Variants in CCDC172 observed in about 807,000 individuals in gnomAD.
CCDC172 encodes the protein coiled-coil domain containing 172.
Under a neutral mutation model 38.0 loss-of-function variants are expected in CCDC172, and 30 were observed. The ratio of observed to expected loss-of-function variants is 0.79; its 90% confidence interval spans 0.59 to 1.07. CCDC172 has a LOEUF of 1.07. Among genes scored for constraint, CCDC172 ranks in the 50% least tolerant of loss-of-function variants. The probability of loss-of-function intolerance (pLI) is 0.00; values close to 1 mark genes in which losing one functional copy is unlikely to be tolerated. For synonymous variants in CCDC172, 78 were observed against 88.3 expected (o/e 0.88, Z 0.66); for missense variants, 297 against 290.1 (o/e 1.02, Z -0.17).
chr10:116,376,789 T>C (rs1223258061), intron 7 of CCDC172, among the ~76,000 whole-genome samples: 1 of 152,144 alleles, frequency 6.6e-6, no homozygotes, highest in African/African-American at 2.4e-5. Flanking sequence ...ACAGGAAGAA[T>C]TCTCTACCCT....
At position 116,343,746 on chromosome 10, in the gene CCDC172, A is replaced by G. The variant is rs1266725028; in HGVS notation, c.448+1545A>G. Among the ~76,000 whole-genome samples, 4 of 152,114 alleles carry G rather than the reference A, an allele frequency of 2.6e-5. No individual in the cohort carries two copies. The East Asian group carries it at 5.8e-4, about 22-fold the overall frequency. On this transcript the variant is annotated intron_variant, in intron 5 of 8. Coordinates refer to ENST00000333254, the MANE Select transcript of CCDC172 (RefSeq NM_198515.3). ...TCATTAGGGAAAAGCCACAACTACA[A>G]ATTTCTTTGAGATAAGCCCTTTTAT...
At chr10:116,375,022 A>G (rs1845228843) in intron 7 of CCDC172, among the ~76,000 whole-genome samples, 1 of 151,844 alleles carries the variant, frequency 6.6e-6, no homozygotes, top group Non-Finnish European at 1.5e-5. Context: ...GTTTAATGGT[A>G]TTTCCTTATG....
At chr10:116,368,739 G>C (rs75513851) in intron 7 of CCDC172, among the ~76,000 whole-genome samples, 2,515 of 151,864 alleles carry the variant, frequency 0.017, 70 homozygotes, top group African/African-American at 0.058. Context: ...TACTAGATGT[G>C]CTCATTGCTA....
chr10:116,378,787 A>C (rs113383847), intron 8 of CCDC172, among the ~76,000 whole-genome samples: 38 of 152,296 alleles, frequency 2.5e-4, no homozygotes, highest in African/African-American at 7.5e-4. Context: ...ACCTCATAAC[A>C]TTTCCTTGAC....
At chr10:116,367,494 C>T (rs1845136977) in intron 7 of CCDC172, among the ~76,000 whole-genome samples, 1 of 152,022 alleles carries the variant, frequency 6.6e-6, no homozygotes, top group Non-Finnish European at 1.5e-5. Context: ...TCGAGACCAT[C>T]CTGGCTAACA....
At chr10:116,358,196 T>C (rs566404313) in intron 7 of CCDC172, among the ~76,000 whole-genome samples, 4 of 152,106 alleles carry the variant, frequency 2.6e-5, no homozygotes, top group Admixed American at 6.5e-5. Flanking sequence ...CTCAGTATTT[T>C]TCACATCCCA....
chr10:116,376,004 C>T (rs139150938), intron 7 of CCDC172, among the ~76,000 whole-genome samples: 51 of 152,282 alleles, frequency 3.3e-4, no homozygotes, highest in African/African-American at 1.1e-3. Flanking sequence ...TACCATTTGA[C>T]TCAGCAATCC....
chr10:116,358,758 A>G (rs1372959424), intron 7 of CCDC172, among the ~76,000 whole-genome samples: 4 of 152,206 alleles, frequency 2.6e-5, no homozygotes, highest in African/African-American at 2.4e-5. Context: ...TAAAATATCA[A>G]TCTCTTGGGT....
At chr10:116,325,743 C>T (rs1844583096) in intron 3 of CCDC172, among the ~76,000 whole-genome samples, 1 of 152,160 alleles carries the variant, frequency 6.6e-6, no homozygotes, top group African/African-American at 2.4e-5. Context: ...AATTTGTGTG[C>T]TATGTTGATA....
intron 3 of CCDC172, among the ~76,000 whole-genome samples, chr10:116,330,790 G>A (rs2134904379): frequency 6.6e-6 from 1 of 152,218 alleles, no homozygotes; most frequent in Non-Finnish European, 1.5e-5. Flanking sequence ...TTGGAGCTCA[G>A]TGGCACAACA....
intron 5 of CCDC172, among the ~76,000 whole-genome samples, chr10:116,343,382 G>A (rs1844820397): frequency 6.6e-6 from 1 of 152,032 alleles, no homozygotes; most frequent in Non-Finnish European, 1.5e-5. Context: ...TTGTTATATA[G>A]CAATTCTGAA....
rs138261065 is a variant in CCDC172, at chr10:116,354,226, A to C, written c.449-3154A>C. Among the ~76,000 whole-genome samples the C allele has an allele frequency of 4.4e-3, 665 of 152,292 alleles. 4 individuals are homozygous for C. Among genetic ancestry groups the C allele is most frequent in the African/African-American group, 0.015 (641 of 41,568 alleles). On this transcript the variant is annotated intron_variant, in intron 5 of 8. Coordinates refer to ENST00000333254, the MANE Select transcript of CCDC172 (RefSeq NM_198515.3). The stretch of plus-strand genomic sequence containing the variant: ...CAGTCATATAAAAGTATAGCACATA[A>C]AATTATGTACAGTACATAATACTTG...
chr10:116,379,267 T>A (rs919425852), intron 8 of CCDC172, 56 bp from the exon 9 acceptor site: 1 of 996,710 alleles, frequency 1.0e-6, no homozygotes, highest in African/African-American at 1.7e-5. Flanking sequence ...TTTTATGTAA[T>A]TATTTTATTA....
intron 7 of CCDC172, among the ~76,000 whole-genome samples, chr10:116,369,721 T>C (rs1270021918): frequency 6.6e-6 from 1 of 152,046 alleles, no homozygotes. Flanking sequence ...AGTATCTTAC[T>C]GGATATGGAG....
chr10:116,349,515 C>T (rs1337245324), intron 5 of CCDC172, among the ~76,000 whole-genome samples: 1 of 152,184 alleles, frequency 6.6e-6, no homozygotes, highest in East Asian at 1.9e-4. Flanking sequence ...TGGTTATATT[C>T]TCTCATTGCC....
chr10:116,329,976 C>T (rs773364551), intron 3 of CCDC172, among the ~76,000 whole-genome samples: 10 of 152,114 alleles, frequency 6.6e-5, no homozygotes, highest in Admixed American at 3.3e-4. Flanking sequence ...TCCGAAGTGC[C>T]ACGATTGTCT....
In CCDC172 at chr10:116,357,434, A is replaced by G; in HGVS notation, c.503A>G (p.Lys168Arg). The G allele has an allele frequency of 6.3e-7, 1 of 1,585,778 alleles. No individual in the cohort carries two copies. Among genetic ancestry groups the G allele is most frequent in the Non-Finnish European group, 8.6e-7 (1 of 1,168,502 alleles). ...CAGTTAAATGAACTTCAAAAACAAA[A>G]GAGTGAATTGATACAAGAATTATTT... ...SSQLNELQKQ[K>R]SELIQELFTL... The change falls in exon 6 of 9, where the codon AAG becomes AGG. Residue 168 changes from lysine (K) to arginine (R), a missense_variant. By Grantham distance (26) the Lys-to-Arg change is conservative (BLOSUM62 2). Transcript: ENST00000333254.
Position 116,378,493 on chromosome 10 carries a change from A to G in CCDC172, c.724A>G (p.Ile242Val), listed in dbSNP as rs531395120. Reference sequence around the variant, plus strand: ...TGTTTATGAAGCTCTCCAAACAGAAATAGAATTTTTGGAGTTGGTAAGTTA... The same window carrying G: ...TGTTTATGAAGCTCTCCAAACAGAAGTAGAATTTTTGGAGTTGGTAAGTTA... ...ESVYEALQTEIEFLELTLAQK... is the reference protein window; with the variant it reads ...ESVYEALQTEVEFLELTLAQK... The change falls in exon 8 of 9, where the codon ATA (isoleucine) becomes GTA (valine). Residue 242 changes from isoleucine (I) to valine (V), a missense_variant. Physicochemically the swap from Ile to Val is conservative, Grantham distance 29. Coordinates refer to ENST00000333254, the MANE Select transcript of CCDC172 (RefSeq NM_198515.3). The G allele has an allele frequency of 1.9e-6, 3 of 1,604,542 alleles. No homozygotes were observed. The highest frequency in any genetic ancestry group is 1.3e-5 in the African/African-American group (1 of 74,520).
rs1589962238 is a variant in CCDC172 at position 116,378,435 on chromosome 10, A to T, written c.666A>T (p.Glu222Asp). 1 of 1,595,076 alleles carries T rather than the reference A, an allele frequency of 6.3e-7. No individual in the cohort carries two copies. Among genetic ancestry groups the T allele is most frequent in the Non-Finnish European group, 8.5e-7 (1 of 1,173,122 alleles). ...NDTECLRLKK[E>D]LELYKEDDME... ...TCTTTTAAAATAGACTTAAAAAAGA[A>T]TTAGAACTTTATAAGGAAGATGACA... Residue 222 changes from glutamate (E) to aspartate (D), a missense_variant, in exon 8 of 9, where the codon GAA (glutamate) becomes GAT (aspartate). Coordinates refer to ENST00000333254, the MANE Select transcript of CCDC172 (RefSeq NM_198515.3).
Sources: gnomAD v4.1 joint callset for allele counts (sites outside exome capture counted in the v4.1 genomes callset) on GRCh38, gnomAD v4.1.1 for gene constraint, MANE v1.5 for transcripts, NCBI Gene and HGNC (gene_info 2026-07-23, HGNC 2026-07-21) for gene names.